Variants in RP1 observed in about 807,000 individuals in gnomAD.
RP1 encodes the protein RP1 axonemal microtubule associated, also known as oxygen-regulated protein 1.
RP1 carries 16 observed loss-of-function variants against 14.8 expected under a neutral mutation model. The ratio of observed to expected loss-of-function variants is 1.08; its 90% CI spans 0.73 to 1.65. The LOEUF is 1.65. RP1 is among the 40% of genes most tolerant of loss of function. The pLI is 0.00. For missense variants in RP1, 2,631 were observed against 2,535.0 expected (o/e 1.04, Z -0.81); for synonymous variants, 876 against 883.6 (o/e 0.99, Z 0.15).
At chr8:54,606,407 G>C (rs1198712500) in intron 1 of RP1, among the ~76,000 whole-genome samples, 1 of 151,526 alleles carries the variant, frequency 6.6e-6, no homozygotes, top group Admixed American at 6.6e-5. Context: ...TCTGCCGAGA[G>C]ATCTGCTGTT....
chr8:54,612,822 C>T (rs1377487534), upstream of RP1, among the ~76,000 whole-genome samples: 1 of 152,216 alleles, frequency 6.6e-6, no homozygotes, highest in Non-Finnish European at 1.5e-5. Flanking sequence ...CTCTCTCTGC[C>T]AGGAACACAC....
intron 15 of RP1, among the ~76,000 whole-genome samples, chr8:54,717,124 C>A (rs987634994): frequency 3.3e-5 from 5 of 152,034 alleles, no homozygotes; most frequent in Admixed American, 6.6e-5. Context: ...CTCAGGTGTC[C>A]CGTCCTCCAG....
intron 24 of RP1, among the ~76,000 whole-genome samples, chr8:54,812,673 G>A (rs1173297760): frequency 6.6e-6 from 1 of 151,950 alleles, no homozygotes; most frequent in Admixed American, 6.6e-5. Context: ...AATTCTACTG[G>A]TTCTCAGGCA....
At chr8:54,705,125 T>G (rs1467991325) in intron 14 of RP1, among the ~76,000 whole-genome samples, 1 of 152,118 alleles carries the variant, frequency 6.6e-6, no homozygotes, top group African/African-American at 2.4e-5. Context: ...TCTATAATAC[T>G]ATCCTCACTT....
chr8:54,627,693 A>G lies in RP1; in HGVS notation c.3811A>G (p.Lys1271Glu), dbSNP rs770305929. The G allele has an allele frequency of 3.3e-5, 53 of 1,614,052 alleles. No homozygotes were observed. The highest frequency in any genetic ancestry group is 4.0e-5 in the African/African-American group (3 of 74,944). ...CACTGTAAATAAGGCTTATTCTCCA[A>G]AAGAGACATGTAACCCCAGTGACAC... is the stretch of plus-strand genomic sequence containing the variant. Reference protein sequence around the residue: ...MCTVNKAYSPKETCNPSDTFF... With the variant: ...MCTVNKAYSPEETCNPSDTFF... Residue 1271 changes from lysine (K) to glutamate (E), a missense_variant, in exon 4 of 4, where the codon AAA (lysine) becomes GAA (glutamate). Lys to Glu is a moderately conservative substitution (Grantham distance 56). Transcript: ENST00000220676.
chr8:54,656,181 T>C lies in RP1; in HGVS notation c.1137T>C (p.Phe379=), dbSNP rs1043356785. ...AGGATGGGGAAATCTGTCGAGAATT[T>C]CCTCTTTTAAGTAAAGGACAACCTG... Residue 379 remains phenylalanine, a synonymous_variant, in exon 6 of 23, where the codon TTT becomes TTC. Transcript: ENST00000636932. The C allele has an allele frequency of 2.8e-5, 43 of 1,535,710 alleles. No homozygotes were observed. The African/African-American group carries it at 5.6e-4, about 20-fold the overall frequency.
intron 19 of RP1, among the ~76,000 whole-genome samples, chr8:54,752,905 A>G (rs1212777650): frequency 1.3e-5 from 2 of 152,252 alleles, no homozygotes; most frequent in Non-Finnish European, 2.9e-5. Context: ...AGTAGAATAT[A>G]TTATACTAAC....
upstream of RP1, among the ~76,000 whole-genome samples, chr8:54,611,261 C>T (rs1805584591): frequency 6.6e-6 from 1 of 152,092 alleles, no homozygotes; most frequent in Non-Finnish European, 1.5e-5. Flanking sequence ...AAAATTTTGG[C>T]CATTTTTTCT....
chr8:54,769,923 T>G (rs1039589432), exon 23 of RP1: 7 of 649,856 alleles, frequency 1.1e-5, no homozygotes, highest in African/African-American at 3.7e-5. Context: ...CTTTTATTAT[T>G]GGATTTATAG....
At chr8:54,583,191 T>C (rs1804838284) in intron 1 of RP1, among the ~76,000 whole-genome samples, 1 of 152,198 alleles carries the variant, frequency 6.6e-6, no homozygotes, top group African/African-American at 2.4e-5. Context: ...CCTAATTTAT[T>C]GAGAGTTTTT....
chr8:54,870,380 T>C (rs1812561876), exon 29 of RP1: 1 of 153,154 alleles, frequency 6.5e-6, no homozygotes, highest in South Asian at 2.1e-4. Flanking sequence ...AACACTTTTA[T>C]GCAACCTATG....
upstream of RP1, among the ~76,000 whole-genome samples, chr8:54,612,204 C>T (rs1274403875): frequency 1.3e-5 from 2 of 152,198 alleles, no homozygotes; most frequent in Non-Finnish European, 2.9e-5. Flanking sequence ...AGAGCTGCAA[C>T]AATGCCTACC....
At chr8:54,700,018 C>A (rs150520810) in intron 13 of RP1, among the ~76,000 whole-genome samples, 1 of 152,064 alleles carries the variant, frequency 6.6e-6, no homozygotes, top group African/African-American at 2.4e-5. Context: ...ATATGTATTA[C>A]AATATTTCAT....
intron 27 of RP1, among the ~76,000 whole-genome samples, chr8:54,857,967 A>G (rs1276966482): frequency 6.6e-6 from 1 of 152,146 alleles, no homozygotes; most frequent in East Asian, 1.9e-4. Flanking sequence ...CATTTATCAC[A>G]TTGATTTCCA....
intron 19 of RP1, among the ~76,000 whole-genome samples, chr8:54,743,062 A>G (rs549420302): frequency 1.3e-5 from 2 of 152,300 alleles, no homozygotes; most frequent in East Asian, 1.9e-4. Context: ...GTCATTACCA[A>G]AGCAATGTAA....
chr8:54,604,660 T>C, intron 1 of RP1, among the ~76,000 whole-genome samples: 1 of 152,214 alleles, frequency 6.6e-6, no homozygotes. Context: ...AGTCAATCCA[T>C]CTGGTCCTGG....
intron 24 of RP1, among the ~76,000 whole-genome samples, chr8:54,794,076 G>A (rs558876049): frequency 2.6e-4 from 39 of 151,614 alleles, no homozygotes; most frequent in African/African-American, 7.5e-4. Context: ...ACAATTAAAC[G>A]GAAAGATATT....
Position 54,621,565 on chromosome 8 carries a change from C to T in RP1, c.599C>T (p.Ala200Val). ...VMQRPVVKLY[A>V]TDGRRVPSLQ... is the part of the protein sequence containing the mutation. Reference sequence around the variant, plus strand: ...CAGCGCCCTGTGGTCAAGCTGTACGCTACGGACGGAAGGAGGGTGAGCGTT... The same window carrying T: ...CAGCGCCCTGTGGTCAAGCTGTACGTTACGGACGGAAGGAGGGTGAGCGTT... Residue 200 changes from alanine (A) to valine (V), a missense_variant, in exon 2 of 4, where the codon GCT becomes GTT. Ala to Val is a moderately conservative substitution (Grantham distance 64, BLOSUM62 0). Coordinates refer to ENST00000220676, the MANE Select transcript of RP1 (RefSeq NM_006269.2). 4 of 1,614,180 alleles carry T rather than the reference C, an allele frequency of 2.5e-6. 1 individual carries two copies. The East Asian group carries it at 8.9e-5, about 36-fold the overall frequency.
chr8:54,625,782 G>A lies in RP1; in HGVS notation c.1900G>A (p.Ala634Thr), dbSNP rs775605962. The change falls in exon 4 of 4, where the codon GCA (alanine) becomes ACA (threonine). Residue 634 changes from alanine to threonine, a missense_variant. Ala to Thr is a moderately conservative substitution (Grantham distance 58, BLOSUM62 0). Coordinates refer to ENST00000220676, the MANE Select transcript of RP1 (RefSeq NM_006269.2). ...TATTTCTGAGGCTCCAGCTTCAGAA[G>A]CATCCTCTACTGTCACTGCAAGAAT... is the stretch of plus-strand genomic sequence containing the variant. ...KNISEAPASE[A>T]SSTVTARIDR... 4 of 1,613,482 alleles carry A rather than the reference G, an allele frequency of 2.5e-6. No individual in the cohort carries two copies. The highest frequency in any genetic ancestry group is 4.5e-5 in the East Asian group (2 of 44,862).
Sources: gnomAD v4.1 joint callset for allele counts (sites outside exome capture counted in the v4.1 genomes callset) on GRCh38, gnomAD v4.1.1 for gene constraint, MANE v1.5 for transcripts, NCBI Gene and HGNC (gene_info 2026-07-23, HGNC 2026-07-21) for gene names.